The following CDH8 variants were observed in gnomAD, a reference collection of about 807,000 sequenced individuals.
CDH8 encodes cadherin 8.
A neutral mutation model predicts 68.1 loss-of-function variants in CDH8; 17 were observed. The ratio of observed to expected loss-of-function variants is 0.25; its 90% CI spans 0.17 to 0.37. The LOEUF (loss-of-function observed/expected upper bound fraction) is 0.37. CDH8 is among the 10% of genes least tolerant of loss of function. CDH8 has a pLI of 1.00. For missense variants in CDH8, 763 were observed against 999.3 expected (o/e 0.76, Z 3.19); for synonymous variants, 372 against 365.1 (o/e 1.02, Z -0.21).
intron 3 of CDH8, among the ~76,000 whole-genome samples, chr16:61,864,969 CCT>C (rs1240489834): frequency 6.6e-6 from 1 of 152,120 alleles, no homozygotes; most frequent in African/African-American, 2.4e-5. Flanking sequence ...GCTTCAGAAA[CCT>C]CTCTTTTATG....
intron 2 of CDH8, among the ~76,000 whole-genome samples, chr16:62,010,870 G>A (rs1253993752): frequency 2.0e-5 from 3 of 151,632 alleles, no homozygotes; most frequent in Admixed American, 2.0e-4. Flanking sequence ...TTGAACCCGG[G>A]AGGTGGAGGT....
intron 8 of CDH8, among the ~76,000 whole-genome samples, chr16:61,746,556 AAC>A (rs71675273): frequency 0.18 from 24,938 of 139,898 alleles, 2,258 homozygotes; most frequent in Non-Finnish European, 0.23. Context: ...ATTCCCCCCC[AAC>A]ACACACACAC....
At chr16:61,669,223 G>T (rs548240264) in intron 10 of CDH8, among the ~76,000 whole-genome samples, 2 of 152,096 alleles carry the variant, frequency 1.3e-5, no homozygotes, top group East Asian at 3.9e-4. Flanking sequence ...AACTTTCCTT[G>T]CCATCAGCTA....
intron 4 of CDH8, among the ~76,000 whole-genome samples, chr16:61,845,605 A>G (rs1962791704): frequency 6.6e-6 from 1 of 152,056 alleles, no homozygotes; most frequent in South Asian, 2.1e-4. Context: ...TGATTTACTA[A>G]ATTCCAAATT....
intron 7 of CDH8, 69 bp from the exon 8 acceptor site, chr16:61,789,551 T>G: frequency 7.2e-7 from 1 of 1,388,690 alleles, no homozygotes; most frequent in Non-Finnish European, 9.7e-7. Context: ...AGCAGACCTT[T>G]AGTAATCCTT....
chr16:61,724,666 A>G (rs1387419362), intron 9 of CDH8, among the ~76,000 whole-genome samples: 1 of 150,806 alleles, frequency 6.6e-6, no homozygotes, highest in African/African-American at 2.4e-5. Flanking sequence ...AAATTGTTCA[A>G]AAATATTGAG....
At chr16:62,021,842 T>C (rs7201179) in intron 1 of CDH8, among the ~76,000 whole-genome samples, 75,800 of 151,956 alleles carry the variant, frequency 0.5, 20,137 homozygotes, top group East Asian at 0.71. Context: ...GTTTGCGTAA[T>C]AGAAGTTCTC....
Position 61,868,123 on chromosome 16 carries a change from A to G in CDH8, c.548-10885T>C, listed in dbSNP as rs1329761520. Reference sequence around the variant, plus strand: ...ACAAGCCTCTGAGTCTGCTATGAATATCTGAATTCAAACAGAAGGAATAAA... The same window carrying G: ...ACAAGCCTCTGAGTCTGCTATGAATGTCTGAATTCAAACAGAAGGAATAAA... On this transcript the variant is annotated intron_variant, in intron 3 of 11. Coordinates refer to ENST00000577390, the MANE Select transcript of CDH8 (RefSeq NM_001796.5). Among the ~76,000 whole-genome samples the G allele has an allele frequency of 2.0e-5, 3 of 152,320 alleles. No homozygotes were observed. The East Asian group carries it at 5.8e-4, about 29-fold the overall frequency.
Position 61,708,460 on chromosome 16 carries a change from T to A in CDH8, c.1654+5381A>T, listed in dbSNP as rs191472721. ...AACATGTATAAAGAAAATTGTTCAC[T>A]TCTGCAGGTACTCTTAAATTACAAT... On this transcript the variant is annotated intron_variant, in intron 10 of 11. Transcript: ENST00000577390. Among the ~76,000 whole-genome samples the A allele has an allele frequency of 1.2e-4, 18 of 152,290 alleles. No homozygotes were observed. The East Asian group carries it at 3.5e-3, about 29-fold the overall frequency.
rs543586963 is a variant in CDH8 at position 61,655,536 on chromosome 16, C to T, written c.1840G>A (p.Val614Ile). The T allele has an allele frequency of 7.4e-6, 12 of 1,614,120 alleles. No individual in the cohort carries two copies. The highest frequency in any genetic ancestry group is 2.7e-5 in the African/African-American group (2 of 75,044). ...VVQSCNVEAY[V>I]LPIGLSMGAL... ...CCCATACTGAGTCCAATTGGAAGGA[C>T]ATAAGCTTCGACATTGCAAGACTGG... Residue 614 changes from valine (V) to isoleucine (I), a missense_variant, in exon 11 of 12, where the codon GTC becomes ATC. By Grantham distance (29) the Val-to-Ile change is conservative. Coordinates refer to ENST00000577390, the MANE Select transcript of CDH8 (RefSeq NM_001796.5).
intron 10 of CDH8, among the ~76,000 whole-genome samples, chr16:61,707,608 A>G (rs1012862930): frequency 2.0e-5 from 3 of 152,182 alleles, no homozygotes; most frequent in Non-Finnish European, 4.4e-5. Flanking sequence ...GATCTGAAGC[A>G]CTTGGTAGGT....
intron 3 of CDH8, among the ~76,000 whole-genome samples, chr16:61,887,942 T>C (rs895944284): frequency 1.5e-4 from 23 of 152,308 alleles, no homozygotes; most frequent in South Asian, 8.3e-4. Flanking sequence ...CTGCTGTGGC[T>C]TCATTCTCTA....
chr16:62,006,299 T>A (rs1965974234), intron 2 of CDH8, among the ~76,000 whole-genome samples: 1 of 152,090 alleles, frequency 6.6e-6, no homozygotes, highest in African/African-American at 2.4e-5. Context: ...CTTCCGTGTG[T>A]AAAGAAACAT....
chr16:61,981,608 T>C (rs1965529913), intron 2 of CDH8, among the ~76,000 whole-genome samples: 1 of 151,992 alleles, frequency 6.6e-6, no homozygotes, highest in Non-Finnish European at 1.5e-5. Flanking sequence ...CAGAAAAGTC[T>C]TCAAAAAATA....
intron 2 of CDH8, among the ~76,000 whole-genome samples, chr16:62,018,187 A>C (rs1479707963): frequency 1.3e-5 from 2 of 152,136 alleles, no homozygotes; most frequent in Non-Finnish European, 2.9e-5. Context: ...GAGAGAGTAC[A>C]TCTCTGATGC....
chr16:61,808,569 T>C lies in CDH8; in HGVS notation c.1277+8910A>G, dbSNP rs539398097. Among the ~76,000 whole-genome samples, 13 of 152,312 alleles carry C rather than the reference T, an allele frequency of 8.5e-5. No individual in the cohort carries two copies. The South Asian group carries it at 1.2e-3, about 15-fold the overall frequency. ...ATGAGTACTAAGATTCCAAGGGCTC[T>C]AAGGCAATGATGGCAATAACAATTC... On this transcript the variant is annotated intron_variant, in intron 7 of 11. Transcript: ENST00000577390.
Position 62,017,161 on chromosome 16 carries a change from G to C in CDH8, c.252+3991C>G, listed in dbSNP as rs920101377. Among the ~76,000 whole-genome samples the C allele has an allele frequency of 3.9e-5, 6 of 151,980 alleles. 1 individual carries two copies. Among genetic ancestry groups the C allele is most frequent in the South Asian group, 4.1e-4 (2 of 4,826 alleles). ...CTGAGCAGTTCCTATATGCAGGCAGGGTTCTAGGTTCTGGGAATACAGAGC... is the reference window on the plus strand; with the variant it reads ...CTGAGCAGTTCCTATATGCAGGCAGCGTTCTAGGTTCTGGGAATACAGAGC... On this transcript the variant is annotated intron_variant, in intron 2 of 11. Coordinates refer to ENST00000577390, the MANE Select transcript of CDH8 (RefSeq NM_001796.5).
intron 4 of CDH8, among the ~76,000 whole-genome samples, chr16:61,850,876 T>A (rs1055949532): frequency 2.0e-5 from 3 of 152,108 alleles, no homozygotes; most frequent in Non-Finnish European, 2.9e-5. Context: ...TTATGTGTAG[T>A]ATTTATCACA....
At chr16:61,804,778 G>T (rs1961757966) in intron 7 of CDH8, among the ~76,000 whole-genome samples, 1 of 137,860 alleles carries the variant, frequency 7.3e-6, no homozygotes. Context: ...GGAAGAAGTT[G>T]AATCTCTGAA....
Sources: allele counts gnomAD v4.1 joint callset (sites outside exome capture counted in the v4.1 genomes callset), GRCh38; gene constraint gnomAD v4.1.1; transcripts MANE v1.5; gene names NCBI Gene and HGNC (gene_info 2026-07-23, HGNC 2026-07-21).